Variants in SCRG1 observed in about 807,000 individuals in gnomAD.
SCRG1 encodes the protein scrapie-responsive protein 1.
SCRG1 carries 3 observed loss-of-function variants against 7.7 expected under a neutral mutation model. The observed-to-expected ratio is 0.39, with a 90% CI of 0.18 to 1.01. The LOEUF (loss-of-function observed/expected upper bound fraction) is 1.01, where lower values mean the gene tolerates loss of function less well. SCRG1 is among the 50% of genes least tolerant of loss of function. The pLI, the probability that SCRG1 is intolerant of heterozygous loss-of-function variation, is 0.36. For missense variants in SCRG1, 110 were observed against 117.2 expected (o/e 0.94, Z 0.28); for synonymous variants, 46 against 41.2 (o/e 1.12, Z -0.44).
At chr4:173,433,876 G>T in the SCRG1 span, among the ~76,000 whole-genome samples, 1 of 152,178 alleles carries the variant, frequency 6.6e-6, no homozygotes, top group South Asian at 2.1e-4. Context: ...CAAGACATGG[G>T]TCCCTACTCT....
chr4:173,504,387 C>T, the SCRG1 span, among the ~76,000 whole-genome samples: 16 of 152,174 alleles, frequency 1.1e-4, no homozygotes, highest in African/African-American at 3.9e-4. This position sits in a 1 kb window ranked among gnomAD's most constrained non-coding sequence, Gnocchi z 4.7. Flanking sequence ...TACCCCAACT[C>T]GTCACCACCG....
chr4:173,438,288 T>A, the SCRG1 span, among the ~76,000 whole-genome samples: 1 of 151,188 alleles, frequency 6.6e-6, no homozygotes, highest in African/African-American at 2.4e-5. Context: ...GCTAATTTTT[T>A]TTTTTGTATT....
At chr4:173,445,663 A>C in the SCRG1 span, among the ~76,000 whole-genome samples, 2 of 150,390 alleles carry the variant, frequency 1.3e-5, no homozygotes. Context: ...AAGACTCTTT[A>C]AGGATATTTT....
the SCRG1 span, among the ~76,000 whole-genome samples, chr4:173,426,814 GC>G: frequency 6.6e-6 from 1 of 152,150 alleles, no homozygotes; most frequent in Non-Finnish European, 1.5e-5. Context: ...TTATTTGGAT[GC>G]CAGAAACTAA....
chr4:173,466,410 T>C, the SCRG1 span, among the ~76,000 whole-genome samples: 1 of 152,170 alleles, frequency 6.6e-6, no homozygotes, highest in Non-Finnish European at 1.5e-5. Flanking sequence ...AGTCCTTTCA[T>C]TACTGTTCAC....
the SCRG1 span, among the ~76,000 whole-genome samples, chr4:173,437,711 C>A: frequency 3.9e-4 from 59 of 152,258 alleles, no homozygotes; most frequent in Admixed American, 3.9e-3. Flanking sequence ...TATATGGTAT[C>A]TTTTAAGCAG....
At chr4:173,497,664 A>AAAC in the SCRG1 span, among the ~76,000 whole-genome samples, 1 of 133,050 alleles carries the variant, frequency 7.5e-6, no homozygotes, top group African/African-American at 2.6e-5. Flanking sequence ...AAAAAAAAAA[A>AAAC]AACTTACTCT....
chr4:173,444,311 T>C, the SCRG1 span, among the ~76,000 whole-genome samples: 78 of 152,280 alleles, frequency 5.1e-4, no homozygotes, highest in African/African-American at 1.8e-3. Flanking sequence ...TATCTTGTAG[T>C]AGTCATTGTG....
the SCRG1 span, among the ~76,000 whole-genome samples, chr4:173,477,345 G>A: frequency 2.0e-5 from 3 of 152,148 alleles, no homozygotes; most frequent in East Asian, 5.8e-4. Context: ...CTTAGAAAAA[G>A]AGAACAAATA....
chr4:173,447,489 A>G, the SCRG1 span, among the ~76,000 whole-genome samples: 11 of 152,330 alleles, frequency 7.2e-5, no homozygotes, highest in East Asian at 2.1e-3. Context: ...ATATGTCAAC[A>G]TTTGTGCAAG....
chr4:173,394,609 C>A (rs1739547116), intron 1 of SCRG1, among the ~76,000 whole-genome samples: 1 of 152,072 alleles, frequency 6.6e-6, no homozygotes, highest in African/African-American at 2.4e-5. Context: ...TGTGCCACTG[C>A]ACCTGAGTCT....
At chr4:173,450,658 G>GCCTC in the SCRG1 span, among the ~76,000 whole-genome samples, 1 of 152,174 alleles carries the variant, frequency 6.6e-6, no homozygotes, top group Admixed American at 6.5e-5. Flanking sequence ...ACCTCCTGCA[G>GCCTC]GAGGAACTGC....
chr4:173,404,280 T>A (rs2126923952), intron 2 of SCRG1: 1 of 152,316 alleles, frequency 6.6e-6, no homozygotes, highest in East Asian at 1.9e-4. Context: ...TTGTAGCCCA[T>A]AATTTGAATG....
the SCRG1 span, chr4:173,419,189 TC>T: frequency 2.8e-6 from 1 of 360,488 alleles, no homozygotes; most frequent in African/African-American, 2.1e-5. Flanking sequence ...ATCTTTTTTT[TC>T]TGTTCATAAG....
At chr4:173,474,585 T>C in the SCRG1 span, among the ~76,000 whole-genome samples, 1 of 152,218 alleles carries the variant, frequency 6.6e-6, no homozygotes. Flanking sequence ...TACACTGTTT[T>C]TAAGGGATGA....
chr4:173,497,096 ACT>A, the SCRG1 span, among the ~76,000 whole-genome samples: 1 of 152,064 alleles, frequency 6.6e-6, no homozygotes, highest in Non-Finnish European at 1.5e-5. Context: ...ACAGAGTGAG[ACT>A]CTGTCTCAAA....
chr4:173,497,773 C>A, the SCRG1 span, among the ~76,000 whole-genome samples: 1 of 149,846 alleles, frequency 6.7e-6, no homozygotes, highest in South Asian at 2.1e-4. Context: ...TGGGTTCAAG[C>A]AATTCTCCTG....
the SCRG1 span, among the ~76,000 whole-genome samples, chr4:173,483,347 G>T: frequency 2.5e-3 from 18 of 7,080 alleles, no homozygotes; most frequent in African/African-American, 4.7e-3. Context: ...TATTACATAT[G>T]ATATATTATA....
the SCRG1 span, among the ~76,000 whole-genome samples, chr4:173,484,617 T>G: frequency 1.1e-5 from 1 of 93,552 alleles, no homozygotes; most frequent in Non-Finnish European, 1.8e-5. Flanking sequence ...ATATATTATA[T>G]GCATGTAATA....
Sources: gnomAD v4.1 joint callset for allele counts (sites outside exome capture counted in the v4.1 genomes callset) on GRCh38, gnomAD v4.1.1 for gene constraint, Gnocchi (gnomAD v3.1) non-coding constraint, MANE v1.5 for transcripts, NCBI Gene and HGNC (gene_info 2026-07-23, HGNC 2026-07-21) for gene names.